The following ARPC4 variants were observed in gnomAD, a reference collection of about 807,000 sequenced individuals.
The protein encoded by ARPC4 is actin-related protein 2/3 complex subunit 4.
A neutral mutation model predicts 22.8 loss-of-function variants in ARPC4; 3 were observed. The ratio of observed to expected loss-of-function variants is 0.13; its 90% confidence interval spans 0.06 to 0.34. ARPC4 has a LOEUF of 0.34. ARPC4 is among the 10% of genes least tolerant of loss of function. The probability of loss-of-function intolerance (pLI) is 1.00; values close to 1 mark genes in which losing one functional copy is unlikely to be tolerated. For missense variants in ARPC4, 98 were observed against 211.0 expected (o/e 0.46, Z 3.32); for synonymous variants, 80 against 72.5 (o/e 1.10, Z -0.52).
chr3:9,800,885 C>G (rs1259939945), intron 3 of ARPC4, among the ~76,000 whole-genome samples: 1 of 152,146 alleles, frequency 6.6e-6, no homozygotes, highest in Non-Finnish European at 1.5e-5. Flanking sequence ...GGCATGCTAG[C>G]AACCAGCAGC....
chr3:9,801,929 TCTAC>T (rs1377599763), intron 4 of ARPC4, among the ~76,000 whole-genome samples, 173 bp downstream of exon 4: 1 of 151,940 alleles, frequency 6.6e-6, no homozygotes, highest in Non-Finnish European at 1.5e-5. Context: ...AAAAGTTGGG[TCTAC>T]CTCAGCCATA....
chr3:9,797,435 G>A (rs192483361), intron 1 of ARPC4, among the ~76,000 whole-genome samples: 1 of 152,242 alleles, frequency 6.6e-6, no homozygotes, highest in African/African-American at 2.4e-5. Flanking sequence ...GAAATGTCTC[G>A]ACATTACCAA....
At chr3:9,792,687 C>G, upstream of ARPC4, 1 of 1,233,364 alleles carries the variant, frequency 8.1e-7, no homozygotes, top group Non-Finnish European at 1.0e-6. Context: ...TTAGCCCCGC[C>G]GAGCGCCAGG....
chr3:9,802,550 T>G (rs2079033319), intron 4 of ARPC4, among the ~76,000 whole-genome samples: 2 of 151,656 alleles, frequency 1.3e-5, no homozygotes, highest in South Asian at 4.2e-4. Flanking sequence ...TAATTTTTTG[T>G]ATTTTTAGTA....
intron 1 of ARPC4, 73 bp downstream of exon 1, chr3:9,793,197 G>A: frequency 6.6e-7 from 1 of 1,507,424 alleles, no homozygotes; most frequent in Non-Finnish European, 8.9e-7. Context: ...TGGGAGATGT[G>A]GCTTTGCCGC....
intron 5 of ARPC4, 27 bp downstream of exon 5, chr3:9,804,040 C>T (rs772575910): frequency 1.2e-5 from 20 of 1,609,466 alleles, no homozygotes; most frequent in Non-Finnish European, 1.5e-5. Flanking sequence ...AGCTTTCCTT[C>T]CAGAGGCCAG....
chr3:9,798,641 C>T (rs1345527108), intron 2 of ARPC4, among the ~76,000 whole-genome samples: 4 of 151,870 alleles, frequency 2.6e-5, no homozygotes, highest in African/African-American at 7.3e-5. Flanking sequence ...TTTGGGAGGC[C>T]GAGGCAGACA....
chr3:9,801,527 G>T lies in ARPC4; in HGVS notation c.235-134G>T. ...GTTGACAGCCAGGTCCCCCACTTCA[G>T]TGATCCTTCCGAGTACCAAACCTCA... On this transcript the variant is annotated intron_variant, in intron 3 of 5. Transcript: ENST00000397261. 3 of 807,150 alleles carry T rather than the reference G, an allele frequency of 3.7e-6. No individual in the cohort carries two copies. The South Asian group carries it at 5.7e-5, about 15-fold the overall frequency. The allele number at this position is 807,150 out of a possible 1,614,324, so 50.0% of individuals were successfully genotyped here. A position where few individuals can be genotyped will look rare whatever the true frequency, so the allele number is the denominator to read the frequency against.
At chr3:9,800,748 C>T (rs750152447) in intron 3 of ARPC4, among the ~76,000 whole-genome samples, 3 of 151,816 alleles carry the variant, frequency 2.0e-5, no homozygotes, top group Non-Finnish European at 2.9e-5. Flanking sequence ...TCTAAACTTT[C>T]AACAGGATGA....
At chr3:9,794,018 A>G (rs777356158) in intron 1 of ARPC4, among the ~76,000 whole-genome samples, 4 of 152,072 alleles carry the variant, frequency 2.6e-5, no homozygotes, top group Non-Finnish European at 5.9e-5. Flanking sequence ...TGGGTTCCCT[A>G]TCCTGGCAAA....
At chr3:9,795,959 G>A (rs1472502613) in intron 1 of ARPC4, among the ~76,000 whole-genome samples, 3 of 152,132 alleles carry the variant, frequency 2.0e-5, no homozygotes, top group Admixed American at 6.5e-5. Flanking sequence ...AACCAGGCAC[G>A]GTGGTGCACA....
At chr3:9,802,046 C>G (rs1275413886) in intron 4 of ARPC4, among the ~76,000 whole-genome samples, 1 of 151,874 alleles carries the variant, frequency 6.6e-6, no homozygotes, top group Non-Finnish European at 1.5e-5. Flanking sequence ...CAAGACCAGC[C>G]TGGCCAACAT....
chr3:9,800,749 A>C (rs936717524), intron 3 of ARPC4, among the ~76,000 whole-genome samples: 2 of 152,150 alleles, frequency 1.3e-5, no homozygotes, highest in African/African-American at 4.8e-5. Flanking sequence ...CTAAACTTTC[A>C]ACAGGATGAA....
At chr3:9,800,117 C>A in intron 2 of ARPC4, 68 bp from the exon 3 acceptor site, 1 of 1,515,360 alleles carries the variant, frequency 6.6e-7, no homozygotes, top group Non-Finnish European at 9.0e-7. Flanking sequence ...ATTCCAGGAC[C>A]TGCGTGGGGT....
In ARPC4 at chr3:9,797,847, C is replaced by T; in HGVS notation, c.122+70C>T. The T allele has an allele frequency of 2.7e-6, 4 of 1,484,872 alleles. 1 individual carries two copies. The South Asian group carries it at 3.6e-5, about 13-fold the overall frequency. 92.0% of individuals were successfully genotyped at this position (1,484,872 alleles called of 1,614,324 possible). A position where few individuals can be genotyped will look rare whatever the true frequency, so the allele number is the denominator to read the frequency against. ...AGAGATGGCTGCTGTCTAGAAGGTG[C>T]CATGAACTTATGTCCTGCAGTAGTC... On this transcript the variant is annotated intron_variant, in intron 2 of 5. Coordinates refer to ENST00000397261, the MANE Select transcript of ARPC4 (RefSeq NM_005718.5).
intron 2 of ARPC4, among the ~76,000 whole-genome samples, chr3:9,799,608 A>C (rs1202184276): frequency 1.3e-5 from 2 of 151,994 alleles, no homozygotes; most frequent in East Asian, 1.9e-4. Context: ...ATGCCCAGCT[A>C]ATTTTTATAT....
At chr3:9,792,755 G>A, upstream of ARPC4, 1 of 1,244,728 alleles carries the variant, frequency 8.0e-7, no homozygotes, top group Non-Finnish European at 1.0e-6. Context: ...AAGAAACGAA[G>A]GGCTCGTCCG....
At chr3:9,795,903 C>T (rs890964077) in intron 1 of ARPC4, among the ~76,000 whole-genome samples, 1 of 152,152 alleles carries the variant, frequency 6.6e-6, no homozygotes, top group African/African-American at 2.4e-5. Flanking sequence ...TGAGACCAGC[C>T]TGGCCAACAT....
At position 9,793,137 on chromosome 3, in the gene ARPC4, G is replaced by C. The variant is rs2078787569; in HGVS notation, c.3+13G>C. The stretch of plus-strand genomic sequence containing the variant: ...AGCGCCCGCGATGGTGAGAGAGCCG[G>C]GCCCCCGGCCAGGGACCCCCGGCTG... On this transcript the variant is annotated intron_variant, in intron 1 of 5. Transcript: ENST00000397261. 1 of 1,542,126 alleles carries C rather than the reference G, an allele frequency of 6.5e-7. No individual in the cohort carries two copies. The highest frequency in any genetic ancestry group is 1.4e-5 in the African/African-American group (1 of 72,768).
Sources: gnomAD v4.1 joint callset for allele counts (sites outside exome capture counted in the v4.1 genomes callset) on GRCh38, gnomAD v4.1.1 for gene constraint, MANE v1.5 for transcripts, NCBI Gene and HGNC (gene_info 2026-07-23, HGNC 2026-07-21) for gene names.